ATRNL1: variants seen among roughly 807,000 people sequenced by gnomAD.
ATRNL1 encodes the protein attractin-like protein 1.
In ATRNL1, 95 loss-of-function variants were observed where a neutral mutation model predicts 182.7. That is an observed-to-expected ratio of 0.52 (90% CI 0.44 to 0.62). The LOEUF (loss-of-function observed/expected upper bound fraction) is 0.62, where lower values mean the gene tolerates loss of function less well. Ranked by LOEUF, ATRNL1 falls within the 20% of genes least tolerant of loss-of-function variation. The probability of loss-of-function intolerance (pLI) is 0.00; values close to 1 mark genes in which losing one functional copy is unlikely to be tolerated. For synonymous variants in ATRNL1, 576 were observed against 568.3 expected (o/e 1.01, Z -0.19); for missense variants, 1,471 against 1,679.5 (o/e 0.88, Z 2.17).
chr10:115,199,980 G>A (rs1488750102), intron 8 of ATRNL1, among the ~76,000 whole-genome samples: 1 of 152,056 alleles, frequency 6.6e-6, no homozygotes, highest in Non-Finnish European at 1.5e-5. Flanking sequence ...TGCTGAGAGG[G>A]CACCATCAGG....
chr10:115,799,987 G>A (rs897209406), intron 27 of ATRNL1, among the ~76,000 whole-genome samples: 10 of 152,072 alleles, frequency 6.6e-5, no homozygotes, highest in East Asian at 3.9e-4. Flanking sequence ...TTGGGAGGCC[G>A]AGGCGGGTGG....
chr10:115,947,089 G>A lies in ATRNL1; in HGVS notation c.*2310G>A, dbSNP rs1953891159. ...TTCTGGGCCACATATTGCTAACTCTGTGGCTAATTATGCAATTAATTCTCA... is the reference window on the plus strand; with the variant it reads ...TTCTGGGCCACATATTGCTAACTCTATGGCTAATTATGCAATTAATTCTCA... On this transcript the variant is annotated 3_prime_UTR_variant, in exon 29 of 29. Coordinates refer to ENST00000355044, the MANE Select transcript of ATRNL1 (RefSeq NM_207303.4). 2 of 152,584 alleles carry A rather than the reference G, an allele frequency of 1.3e-5. No individual in the cohort carries two copies. 9.5% of individuals were successfully genotyped at this position (152,584 alleles called of 1,614,324 possible).
chr10:115,467,531 T>C (rs1848111584), intron 23 of ATRNL1, among the ~76,000 whole-genome samples: 1 of 150,816 alleles, frequency 6.6e-6, no homozygotes, highest in Admixed American at 6.6e-5. Context: ...TTAATTAAGA[T>C]AAATTGCTTC....
chr10:115,135,789 A>T (rs564810235), intron 5 of ATRNL1, among the ~76,000 whole-genome samples: 22 of 152,120 alleles, frequency 1.4e-4, no homozygotes, highest in Non-Finnish European at 2.9e-4. Context: ...AAGTATGTTA[A>T]GTCTTGAGTT....
intron 19 of ATRNL1, among the ~76,000 whole-genome samples, chr10:115,366,332 G>T (rs1435446358): frequency 1.3e-5 from 2 of 151,448 alleles, no homozygotes; most frequent in African/African-American, 4.8e-5. Flanking sequence ...CAGAGACTAG[G>T]ATTGCAACCC....
intron 27 of ATRNL1, among the ~76,000 whole-genome samples, chr10:115,751,441 G>A (rs544691968): frequency 2.7e-4 from 41 of 152,188 alleles, no homozygotes; most frequent in African/African-American, 9.6e-4. Context: ...ACTCTTAAGA[G>A]GAAGGTTGTG....
intron 24 of ATRNL1, among the ~76,000 whole-genome samples, chr10:115,481,623 T>C (rs1450443165): frequency 6.6e-6 from 1 of 150,924 alleles, no homozygotes; most frequent in Non-Finnish European, 1.5e-5. Flanking sequence ...CTCACACTTC[T>C]TTATTTTACT....
intron 26 of ATRNL1, among the ~76,000 whole-genome samples, chr10:115,569,276 C>CTTAT (rs1455401852): frequency 6.6e-6 from 1 of 151,932 alleles, no homozygotes; most frequent in Non-Finnish European, 1.5e-5. Context: ...TTATTTAGTC[C>CTTAT]CTATAAACAG....
At chr10:115,560,497 A>T (rs782690259) in intron 26 of ATRNL1, among the ~76,000 whole-genome samples, 2 of 152,294 alleles carry the variant, frequency 1.3e-5, no homozygotes, top group East Asian at 3.9e-4. Flanking sequence ...ACTATAAAAC[A>T]TTGTTGAAAG....
Position 115,215,810 on chromosome 10 carries a change from A to G in ATRNL1, c.1462A>G (p.Lys488Glu). Residue 488 changes from lysine (K) to glutamate (E), a missense_variant, in exon 9 of 29, where the codon AAA becomes GAA. Around this residue, in one of 3 missense-constraint regions of ATRNL1, gnomAD observed 1,031 missense variants for 1,156.0 expected, o/e 0.89. Transcript: ENST00000355044. ...GTCCATTTATGTTCATGGAGGGTAT[A>G]AAGCATTGCCAGGGAACAAATATGG... Reference protein sequence around the residue: ...TKSIYVHGGYKALPGNKYGLV... With the variant: ...TKSIYVHGGYEALPGNKYGLV... 2 of 1,606,370 alleles carry G rather than the reference A, an allele frequency of 1.2e-6. No individual in the cohort carries two copies. The highest frequency in any genetic ancestry group is 1.7e-6 in the Non-Finnish European group (2 of 1,177,246).
intron 28 of ATRNL1, among the ~76,000 whole-genome samples, chr10:115,867,128 AT>A (rs1256198134): frequency 1.1e-4 from 16 of 152,246 alleles, no homozygotes; most frequent in African/African-American, 3.1e-4. Context: ...TAAAAAACAT[AT>A]TTTTTTCTTT....
At chr10:115,714,056 T>C (rs1947171859) in intron 26 of ATRNL1, among the ~76,000 whole-genome samples, 1 of 152,202 alleles carries the variant, frequency 6.6e-6, no homozygotes, top group South Asian at 2.1e-4. Context: ...ATTTGCATAG[T>C]AAATGGCATA....
chr10:115,364,689 A>G (rs34297653), intron 19 of ATRNL1, among the ~76,000 whole-genome samples: 56,212 of 149,746 alleles, frequency 0.38, 11,614 homozygotes, highest in African/African-American at 0.54. Context: ...TTTGAGATAC[A>G]TCCCATCAAT....
chr10:115,222,342 A>G (rs754474219), intron 9 of ATRNL1, among the ~76,000 whole-genome samples: 35 of 152,192 alleles, frequency 2.3e-4, no homozygotes, highest in Non-Finnish European at 4.3e-4. Context: ...TCTAACCCAC[A>G]TGTGTAATTG....
chr10:115,264,207 T>G (rs1284337843), intron 10 of ATRNL1, among the ~76,000 whole-genome samples: 1 of 151,734 alleles, frequency 6.6e-6, no homozygotes, highest in Non-Finnish European at 1.5e-5. Flanking sequence ...GTTTTGGTTT[T>G]TATAATTTTT....
At chr10:115,597,440 ATATT>A (rs569811808) in intron 26 of ATRNL1, among the ~76,000 whole-genome samples, 88 of 152,264 alleles carry the variant, frequency 5.8e-4, no homozygotes, top group Non-Finnish European at 7.8e-4. Flanking sequence ...GATTTACTAA[ATATT>A]TATCTGTTGT....
intron 21 of ATRNL1, among the ~76,000 whole-genome samples, chr10:115,449,953 CAAGT>C (rs1255556911): frequency 1.3e-5 from 2 of 152,156 alleles, no homozygotes; most frequent in Non-Finnish European, 2.9e-5. Flanking sequence ...ACACCACAAT[CAAGT>C]AAGTAAGTAG....
At chr10:115,893,157 G>A (rs1412574763) in intron 28 of ATRNL1, among the ~76,000 whole-genome samples, 1 of 152,126 alleles carries the variant, frequency 6.6e-6, no homozygotes, top group South Asian at 2.1e-4. Flanking sequence ...TCATCATATA[G>A]ATAACGGCAA....
chr10:115,367,831 C>CG (rs1294206809), intron 19 of ATRNL1, among the ~76,000 whole-genome samples: 2 of 145,682 alleles, frequency 1.4e-5, no homozygotes, highest in African/African-American at 5.0e-5. Flanking sequence ...TTAGGCTGCT[C>CG]GGGGGTCAGG....
Sources: allele counts gnomAD v4.1 joint callset (sites outside exome capture counted in the v4.1 genomes callset), GRCh38; gene constraint gnomAD v4.1.1; regional missense constraint gnomAD v4.1.1; transcripts MANE v1.5; gene names NCBI Gene and HGNC (gene_info 2026-07-23, HGNC 2026-07-21).